Variants in HECTD2 observed in about 807,000 individuals in gnomAD.
HECTD2 encodes the protein probable E3 ubiquitin-protein ligase HECTD2.
Under a neutral mutation model 103.2 loss-of-function variants are expected in HECTD2, and 35 were observed. The ratio of observed to expected loss-of-function variants is 0.34; its 90% CI spans 0.26 to 0.45. The LOEUF (loss-of-function observed/expected upper bound fraction) is 0.45, where lower values mean the gene tolerates loss of function less well. HECTD2 is among the 20% of genes least tolerant of loss of function. HECTD2 has a pLI of 1.00. For synonymous variants in HECTD2, 281 were observed against 329.9 expected (o/e 0.85, Z 1.61); for missense variants, 596 against 937.4 (o/e 0.64, Z 4.76).
chr10:91,440,147 G>A (rs1844339524), intron 2 of HECTD2, among the ~76,000 whole-genome samples: 1 of 151,824 alleles, frequency 6.6e-6, no homozygotes, highest in African/African-American at 2.4e-5. Context: ...GAGCATCCTT[G>A]TCTTGTGTCA....
At chr10:91,411,026 TAAAC>T (rs1249889701) in intron 1 of HECTD2, among the ~76,000 whole-genome samples, 1 of 152,200 alleles carries the variant, frequency 6.6e-6, no homozygotes, top group East Asian at 1.9e-4. Context: ...CCCTTCAGAT[TAAAC>T]AGGCTCTGCG....
intron 1 of HECTD2, among the ~76,000 whole-genome samples, chr10:91,421,028 A>T (rs1843337292): frequency 1.3e-5 from 2 of 152,022 alleles, no homozygotes; most frequent in South Asian, 4.1e-4. Context: ...AAACCTTTGC[A>T]TTCTTCCCCC....
intron 2 of HECTD2, among the ~76,000 whole-genome samples, chr10:91,455,486 G>A (rs1420483460): frequency 6.6e-6 from 1 of 152,134 alleles, no homozygotes; most frequent in Admixed American, 6.5e-5. Context: ...TTTGTCAGAT[G>A]AGTAGATTGC....
chr10:91,479,244 C>G (rs1304056053), intron 6 of HECTD2, among the ~76,000 whole-genome samples: 1 of 152,064 alleles, frequency 6.6e-6, no homozygotes, highest in African/African-American at 2.4e-5. Flanking sequence ...TAGCACATTC[C>G]TATTACTGGT....
At chr10:91,497,013 G>T (rs1243181833) in intron 15 of HECTD2, among the ~76,000 whole-genome samples, 1 of 150,030 alleles carries the variant, frequency 6.7e-6, no homozygotes, top group Non-Finnish European at 1.5e-5. Context: ...AGGCTGGAGT[G>T]CAGTGGCTCC....
chr10:91,480,950 G>C lies in HECTD2; in HGVS notation c.666-144G>C, dbSNP rs924518470. 78 of 554,868 alleles carry C rather than the reference G, an allele frequency of 1.4e-4. 1 individual carries two copies. Among genetic ancestry groups the C allele is most frequent in the Admixed American group, 3.9e-5 (1 of 25,730 alleles). The allele number at this position is 554,868 out of a possible 1,614,324, so 34.4% of individuals were successfully genotyped here. A position where few individuals can be genotyped will look rare whatever the true frequency, so the allele number is the denominator to read the frequency against. ...GCACTTGTATTTTCAGCATATTATG[G>C]ACTGTCTCAATAATAATGCATATTA... On this transcript the variant is annotated intron_variant, in intron 6 of 20. Coordinates refer to ENST00000298068, the MANE Select transcript of HECTD2 (RefSeq NM_182765.6).
chr10:91,413,078 A>G (rs568815200), intron 1 of HECTD2, among the ~76,000 whole-genome samples: 4 of 152,250 alleles, frequency 2.6e-5, no homozygotes, highest in African/African-American at 4.8e-5. Context: ...GTTTGTGTCT[A>G]TGACTCAATT....
In HECTD2 at chr10:91,512,386, C is replaced by G. The variant is rs373251356; in HGVS notation, c.*2C>G. On this transcript the variant is annotated 3_prime_UTR_variant, in exon 21 of 21. Transcript: ENST00000298068. ...TCAGAAGGTTTTGGACTTGAGTAACCTAGAAGACTTGAAATATAATCTTTT... is the reference window on the plus strand; with the variant it reads ...TCAGAAGGTTTTGGACTTGAGTAACGTAGAAGACTTGAAATATAATCTTTT... 6.2e-7 allele frequency: 1 copy of G among 1,611,318 alleles called. No individual in the cohort carries two copies. Among genetic ancestry groups the G allele is most frequent in the Non-Finnish European group, 8.5e-7 (1 of 1,178,080 alleles).
At chr10:91,437,619 C>CTTTTTTTTTTTTTTTTTTTTGGTTTTTT (rs59785873) in intron 2 of HECTD2, among the ~76,000 whole-genome samples, 2 of 87,388 alleles carry the variant, frequency 2.3e-5, no homozygotes, top group African/African-American at 3.3e-5. Flanking sequence ...GATGGTTGTT[C>CTTTTTTTTTTTTTTTTTTTTGGTTTTTT]TTTTTTTTTT....
At chr10:91,470,512 A>T (rs140609807) in intron 5 of HECTD2, among the ~76,000 whole-genome samples, 163 of 152,332 alleles carry the variant, frequency 1.1e-3, no homozygotes, top group African/African-American at 3.7e-3. Flanking sequence ...TAATGAGAAC[A>T]AAGATAAAAC....
At chr10:91,454,267 A>G (rs1404600986) in intron 2 of HECTD2, among the ~76,000 whole-genome samples, 1 of 152,158 alleles carries the variant, frequency 6.6e-6, no homozygotes, top group East Asian at 1.9e-4. Context: ...AATGGATCAT[A>G]TTCTGGGCCA....
At chr10:91,476,503 G>T (rs1845906447) in intron 5 of HECTD2, among the ~76,000 whole-genome samples, 1 of 152,178 alleles carries the variant, frequency 6.6e-6, no homozygotes, top group African/African-American at 2.4e-5. Context: ...AGACTAAGAA[G>T]CCTCTAGGCT....
At chr10:91,486,677 T>A (rs956816301) in intron 10 of HECTD2, 3 of 152,194 alleles carry the variant, frequency 2.0e-5, no homozygotes, top group African/African-American at 7.2e-5. Flanking sequence ...ACCCCTGTCC[T>A]AAAGTACATA....
At chr10:91,499,865 T>C (rs1564736287) in intron 18 of HECTD2, among the ~76,000 whole-genome samples, 1 of 152,186 alleles carries the variant, frequency 6.6e-6, no homozygotes, top group Non-Finnish European at 1.5e-5. Context: ...GTGGCTTACA[T>C]TATTGCCAGC....
intron 1 of HECTD2, among the ~76,000 whole-genome samples, chr10:91,419,798 T>A (rs1405626487): frequency 6.6e-6 from 1 of 152,142 alleles, no homozygotes; most frequent in Non-Finnish European, 1.5e-5. Flanking sequence ...CCACTACTAT[T>A]CCTCAACACC....
At chr10:91,431,620 T>C (rs1843875510) in intron 2 of HECTD2, among the ~76,000 whole-genome samples, 1 of 152,064 alleles carries the variant, frequency 6.6e-6, no homozygotes, top group African/African-American at 2.4e-5. Flanking sequence ...CTCACTTCAT[T>C]TCATTCATTT....
intron 5 of HECTD2, among the ~76,000 whole-genome samples, chr10:91,464,339 C>A (rs1257130411): frequency 6.6e-6 from 1 of 152,164 alleles, no homozygotes; most frequent in Non-Finnish European, 1.5e-5. Context: ...TAAAAAATTG[C>A]TGGTTGCTGT....
intron 1 of HECTD2, among the ~76,000 whole-genome samples, chr10:91,414,276 T>A (rs1171198074): frequency 6.6e-6 from 1 of 152,114 alleles, no homozygotes; most frequent in East Asian, 1.9e-4. Context: ...TTTAAAGGGA[T>A]GTTAGCCTAT....
At chr10:91,457,205 G>A (rs771244607) in intron 2 of HECTD2, among the ~76,000 whole-genome samples, 4 of 151,942 alleles carry the variant, frequency 2.6e-5, no homozygotes, top group Admixed American at 6.6e-5. Flanking sequence ...CGTCCGGATG[G>A]TCTCACAAGA....
Sources: allele counts gnomAD v4.1 joint callset (sites outside exome capture counted in the v4.1 genomes callset), GRCh38; gene constraint gnomAD v4.1.1; transcripts MANE v1.5; gene names NCBI Gene and HGNC (gene_info 2026-07-23, HGNC 2026-07-21).